AQP1: variants seen among roughly 807,000 people sequenced by gnomAD.
AQP1 encodes aquaporin-1.
Under a neutral mutation model 19.7 loss-of-function variants are expected in AQP1, and 11 were observed. That is an observed-to-expected ratio of 0.56 (90% CI 0.35 to 0.92). AQP1 has a LOEUF of 0.92. Ranked by LOEUF, AQP1 falls within the 40% of genes least tolerant of loss-of-function variation. The pLI is 0.01. For missense variants in AQP1, 320 were observed against 369.7 expected, an observed-to-expected ratio of 0.87 and a Z score of 1.10; for synonymous variants, 159 against 166.7, an observed-to-expected ratio of 0.95 and a Z score of 0.36.
Position 30,925,507 on chromosome 7 carries a change from T to C in AQP1, c.*1878T>C, listed in dbSNP as rs1791654702. The C allele has an allele frequency of 6.6e-6, 1 of 152,248 alleles. No individual in the cohort carries two copies. The highest frequency in any genetic ancestry group is 2.4e-5 in the African/African-American group (1 of 41,456). 9.4% of individuals were successfully genotyped at this position (152,248 alleles called of 1,614,324 possible). ...TGTTAAGAAAATAAAGGAAAATGAC[T>C]TGTAAGGTCCTTCAGGCTTCCTGTA... On this transcript the variant is annotated 3_prime_UTR_variant, in exon 4 of 4. Transcript: ENST00000311813.
chr7:30,913,705 C>T (rs1338912283), intron 1 of AQP1, among the ~76,000 whole-genome samples: 1 of 152,168 alleles, frequency 6.6e-6, no homozygotes, highest in East Asian at 1.9e-4. Flanking sequence ...GACACCTCAC[C>T]CAACCTCCTC....
chr7:30,919,695 A>G (rs1280162545), intron 1 of AQP1, among the ~76,000 whole-genome samples: 2 of 152,100 alleles, frequency 1.3e-5, no homozygotes, highest in South Asian at 2.1e-4. Context: ...TTCAAATTTA[A>G]TGGGTTGTAA....
chr7:30,921,681 G>T (rs1333966698), intron 1 of AQP1: 2 of 1,550,922 alleles, frequency 1.3e-6, no homozygotes, highest in African/African-American at 1.4e-5. Context: ...CTTCTCCTAG[G>T]AGTGCTCCTG....
Position 30,912,162 on chromosome 7 carries a change from C to T in AQP1, c.253C>T (p.Leu85Phe). ...CCCGGCTGTCACACTGGGGCTGCTG[C>T]TCAGCTGCCAGATCAGCATCTTCCG... ...LNPAVTLGLLLSCQISIFRAL... is the reference protein window; with the variant it reads ...LNPAVTLGLLFSCQISIFRAL... Residue 85 changes from leucine to phenylalanine, a missense_variant, in exon 1 of 4, where the codon CTC becomes TTC. Physicochemically the swap from Leu to Phe is conservative, Grantham distance 22. Coordinates refer to ENST00000311813, the MANE Select transcript of AQP1 (RefSeq NM_198098.4). This position sits in a 1 kb window ranked among gnomAD's most constrained non-coding sequence, Gnocchi z 4.3. 6.2e-7 allele frequency: 1 copy of T among 1,612,994 alleles called. No homozygotes were observed. The highest frequency in any genetic ancestry group is 1.3e-5 in the African/African-American group (1 of 75,064).
chr7:30,913,461 G>C (rs1029568605), intron 1 of AQP1: 2 of 152,744 alleles, frequency 1.3e-5, no homozygotes, highest in Non-Finnish European at 2.9e-5. Context: ...GACTCGTCTA[G>C]AGAGATGAGG....
chr7:30,916,221 G>T (rs1263293589), intron 1 of AQP1, among the ~76,000 whole-genome samples: 1 of 152,166 alleles, frequency 6.6e-6, no homozygotes, highest in Non-Finnish European at 1.5e-5. Flanking sequence ...TGTCTGAGGG[G>T]CTCACCCCCT....
chr7:30,923,339 C>A lies in AQP1; in HGVS notation c.631-111C>A, dbSNP rs1428723239. On this transcript the variant is annotated intron_variant, in intron 3 of 3. Transcript: ENST00000311813. This position sits in a 1 kb window ranked among gnomAD's most constrained non-coding sequence, Gnocchi z 4.8. ...ATTTGGCTCTCCTACCTGCCTCCAT[C>A]CCAGGTGGGAAAAACCTGTCCAACG... is the stretch of plus-strand genomic sequence containing the variant. 2 of 1,568,098 alleles carry A rather than the reference C, an allele frequency of 1.3e-6. No homozygotes were observed. Among genetic ancestry groups the A allele is most frequent in the Admixed American group, 1.8e-5 (1 of 54,838 alleles).
Position 30,912,063 on chromosome 7 carries a change from G to T in AQP1, c.154G>T (p.Val52Leu), listed in dbSNP as rs35115273. 1 of 1,613,336 alleles carries T rather than the reference G, an allele frequency of 6.2e-7. No individual in the cohort carries two copies. The highest frequency in any genetic ancestry group is 1.3e-5 in the African/African-American group (1 of 74,944). Residue 52 changes from valine to leucine, a missense_variant, in exon 1 of 4, where the codon GTG (valine) becomes TTG (leucine). Transcript: ENST00000311813. This position sits in a 1 kb window ranked among gnomAD's most constrained non-coding sequence, Gnocchi z 4.3. The stretch of plus-strand genomic sequence containing the variant: ...GACGGCGGTCCAGGACAACGTGAAG[G>T]TGTCGCTGGCCTTCGGGCTGAGCAT... Reference protein sequence around the residue: ...NQTAVQDNVKVSLAFGLSIAT... With the variant: ...NQTAVQDNVKLSLAFGLSIAT...
In AQP1 at chr7:30,922,660, G is replaced by C. The variant is rs754253329; in HGVS notation, c.630+16G>C. On this transcript the variant is annotated intron_variant, in intron 3 of 3. Transcript: ENST00000311813. ...CAACCACTGGGTAGGAGACCCACGG[G>C]GGGTGGGGTGGGAAGCTTTGGTGTC... The C allele has an allele frequency of 4.0e-5, 65 of 1,610,446 alleles. No individual in the cohort carries two copies. Among genetic ancestry groups the C allele is most frequent in the Middle Eastern group, 1.6e-4 (1 of 6,076 alleles).
At chr7:30,914,986 G>A (rs1213344070) in intron 1 of AQP1, among the ~76,000 whole-genome samples, 5 of 152,202 alleles carry the variant, frequency 3.3e-5, no homozygotes, top group Non-Finnish European at 1.5e-5. Context: ...TGAGGCTGGG[G>A]TGGACACTCT....
chr7:30,915,150 G>A (rs548768388), intron 1 of AQP1, among the ~76,000 whole-genome samples: 1 of 152,264 alleles, frequency 6.6e-6, no homozygotes, highest in South Asian at 2.1e-4. Flanking sequence ...CAGGATTCCT[G>A]GCATTTGCTG....
In AQP1 at chr7:30,923,319, G is replaced by A; in HGVS notation, c.631-131G>A. On this transcript the variant is annotated intron_variant, in intron 3 of 3. Transcript: ENST00000311813. The surrounding 1 kb of genome is among the most constrained non-coding windows in gnomAD (Gnocchi z 4.8). ...ACCGGAATCATGATGTTAGGATTTG[G>A]CTCTCCTACCTGCCTCCATCCCAGG... 1 of 1,515,508 alleles carries A rather than the reference G, an allele frequency of 6.6e-7. No individual in the cohort carries two copies. The highest frequency in any genetic ancestry group is 1.2e-5 in the South Asian group (1 of 80,560). 93.9% of individuals were successfully genotyped at this position (1,515,508 alleles called of 1,614,324 possible). A position where few individuals can be genotyped will look rare whatever the true frequency, so the allele number is the denominator to read the frequency against.
chr7:30,923,946 GT>G lies in AQP1; in HGVS notation c.*318del, dbSNP rs897271128. The G allele has an allele frequency of 4.2e-6, 6 of 1,419,496 alleles. No individual in the cohort carries two copies. Among genetic ancestry groups the G allele is most frequent in the African/African-American group, 2.8e-5 (2 of 70,228 alleles). The allele number at this position is 1,419,496 out of a possible 1,614,324, so 87.9% of individuals were successfully genotyped here. A position where few individuals can be genotyped will look rare whatever the true frequency, so the allele number is the denominator to read the frequency against. On this transcript the variant is annotated 3_prime_UTR_variant, in exon 4 of 4. Transcript: ENST00000311813. The surrounding 1 kb of genome is among the most constrained non-coding windows in gnomAD (Gnocchi z 4.8). ...AGCATGATGGGAGGTGTGCCAGAAAGTCCCCCCTCGCCCCAAAGTTGCTCAC... is the reference window on the plus strand; with the variant it reads ...AGCATGATGGGAGGTGTGCCAGAAAGCCCCCCTCGCCCCAAAGTTGCTCAC...
Position 30,911,885 on chromosome 7 carries a change from G to T in AQP1, c.-25G>T. On this transcript the variant is annotated 5_prime_UTR_variant, in exon 1 of 4. Coordinates refer to ENST00000311813, the MANE Select transcript of AQP1 (RefSeq NM_198098.4). ...AGAGGGAATTGAGCACCCGGCAGCG[G>T]TCTCAGGCCAAGCCCCCTGCCAGCA... 6.2e-7 allele frequency: 1 copy of T among 1,612,486 alleles called. No homozygotes were observed. The highest frequency in any genetic ancestry group is 1.1e-5 in the South Asian group (1 of 91,034).
chr7:30,919,066 G>C (rs967474985), intron 1 of AQP1, among the ~76,000 whole-genome samples: 1 of 152,158 alleles, frequency 6.6e-6, no homozygotes, highest in East Asian at 1.9e-4. Flanking sequence ...CCCTGGGTCC[G>C]GAGAGCATCT....
intron 3 of AQP1, 95 bp downstream of exon 3, chr7:30,922,739 T>G: frequency 2.4e-6 from 3 of 1,274,482 alleles, no homozygotes; most frequent in Non-Finnish European, 3.4e-6. Context: ...CTGGAGGCTC[T>G]GGGAGACAGC....
intron 1 of AQP1, among the ~76,000 whole-genome samples, chr7:30,916,875 G>A (rs1791370048): frequency 6.6e-6 from 1 of 152,128 alleles, no homozygotes; most frequent in African/African-American, 2.4e-5. Context: ...TTTCTGGTGA[G>A]GAGGCTGCTT....
Position 30,923,651 on chromosome 7 carries a change from C to A in AQP1, c.*22C>A. 6.6e-7 allele frequency: 1 copy of A among 1,525,632 alleles called. No individual in the cohort carries two copies. Among genetic ancestry groups the A allele is most frequent in the East Asian group, 3.2e-5 (1 of 31,636 alleles). 94.5% of individuals were successfully genotyped at this position (1,525,632 alleles called of 1,614,324 possible). A position where few individuals can be genotyped will look rare whatever the true frequency, so the allele number is the denominator to read the frequency against. ...ATAGAAGGGGTCTGGCCCGGGCATC[C>A]ACGTAGGGGGCAGGGGCAGGGGCGG... On this transcript the variant is annotated 3_prime_UTR_variant, in exon 4 of 4. Transcript: ENST00000311813. The surrounding 1 kb of genome is among the most constrained non-coding windows in gnomAD (Gnocchi z 4.8).
chr7:30,922,260 G>A (rs1051190244), intron 2 of AQP1, 30 bp downstream of exon 2: 1 of 1,564,050 alleles, frequency 6.4e-7, no homozygotes, highest in Non-Finnish European at 8.6e-7. Context: ...AGATGGAGGT[G>A]GGGGAAGGGA....
Sources: allele counts gnomAD v4.1 joint callset (sites outside exome capture counted in the v4.1 genomes callset), GRCh38; gene constraint gnomAD v4.1.1; non-coding constraint Gnocchi (gnomAD v3.1); transcripts MANE v1.5; gene names NCBI Gene and HGNC (gene_info 2026-07-23, HGNC 2026-07-21).